Variants in ALDH1A2 observed in about 807,000 individuals in gnomAD.
ALDH1A2 encodes the protein aldehyde dehydrogenase 1 family member A2.
A neutral mutation model predicts 60.3 loss-of-function variants in ALDH1A2; 27 were observed. That is an observed-to-expected ratio of 0.45 (90% CI 0.33 to 0.62). The LOEUF (loss-of-function observed/expected upper bound fraction) is 0.62. Among genes scored for constraint, ALDH1A2 ranks in the 20% least tolerant of loss-of-function variants. The pLI, the probability that ALDH1A2 is intolerant of heterozygous loss-of-function variation, is 0.02. For synonymous variants in ALDH1A2, 289 were observed against 232.4 expected, an observed-to-expected ratio of 1.24 and a Z score of -2.21; for missense variants, 581 against 643.8, an observed-to-expected ratio of 0.90 and a Z score of 1.06.
At chr15:58,040,021 A>G (rs1308494810) in intron 1 of ALDH1A2, among the ~76,000 whole-genome samples, 1 of 151,926 alleles carries the variant, frequency 6.6e-6, no homozygotes, top group African/African-American at 2.4e-5. Flanking sequence ...CACGGTTCTA[A>G]TAATAAAATT....
chr15:58,017,599 G>A (rs1161553937), intron 1 of ALDH1A2, among the ~76,000 whole-genome samples: 1 of 152,000 alleles, frequency 6.6e-6, no homozygotes, highest in Non-Finnish European at 1.5e-5. Context: ...TTTAAAATCT[G>A]GAGCCAGTAT....
chr15:58,035,743 A>G (rs187821508), intron 1 of ALDH1A2, among the ~76,000 whole-genome samples: 144 of 151,832 alleles, frequency 9.5e-4, no homozygotes, highest in African/African-American at 2.9e-3. Context: ...GTTTTAGTTT[A>G]ATTCCACTGT....
At chr15:57,989,405 G>A (rs1267416017) in intron 7 of ALDH1A2, among the ~76,000 whole-genome samples, 23 of 152,094 alleles carry the variant, frequency 1.5e-4, no homozygotes, top group Admixed American at 4.6e-4. Context: ...GTTTTTTAGA[G>A]TAACATAAGG....
chr15:57,995,162 C>T lies in ALDH1A2; in HGVS notation c.494-23G>A, dbSNP rs201538569. ...CATCTGAAAGAAAAAAGCATGGTCA[C>T]TCCCAGAAAGTTTAGATTAGGAAAA... On this transcript the variant is annotated intron_variant, in intron 4 of 12. Transcript: ENST00000249750. 9 of 1,580,958 alleles carry T rather than the reference C, an allele frequency of 5.7e-6. No homozygotes were observed. In the African/African-American group the frequency reaches 9.6e-5, roughly 17 times the overall value.
At chr15:58,044,294 C>T (rs1174612613) in intron 1 of ALDH1A2, among the ~76,000 whole-genome samples, 7 of 151,944 alleles carry the variant, frequency 4.6e-5, no homozygotes, top group Non-Finnish European at 1.0e-4. Context: ...TGTCCTAATG[C>T]TCTCCCTCTC....
chr15:58,029,800 A>C lies in ALDH1A2; in HGVS notation c.118-15519T>G, dbSNP rs1054891269. On this transcript the variant is annotated intron_variant, in intron 1 of 12. Transcript: ENST00000249750. Reference sequence around the variant, plus strand: ...CTAGAAAATCTAGAAGAAATGGATAAATTCCTGGACACATACACCCTCCCA... The same window carrying C: ...CTAGAAAATCTAGAAGAAATGGATACATTCCTGGACACATACACCCTCCCA... 2.0e-5 allele frequency among the ~76,000 whole-genome samples: 3 copies of C among 152,306 alleles called. No homozygotes were observed. The South Asian group carries it at 6.2e-4, about 32-fold the overall frequency.
chr15:58,028,718 A>C (rs1896146265), intron 1 of ALDH1A2, among the ~76,000 whole-genome samples: 1 of 152,186 alleles, frequency 6.6e-6, no homozygotes, highest in Non-Finnish European at 1.5e-5. Flanking sequence ...TACCAAGCAA[A>C]TGGAAAGCAA....
chr15:58,004,360 C>T (rs1234237870), intron 4 of ALDH1A2, among the ~76,000 whole-genome samples: 1 of 151,780 alleles, frequency 6.6e-6, no homozygotes, highest in Non-Finnish European at 1.5e-5. Context: ...GGTTTATGTG[C>T]AGATTTGTTA....
intron 7 of ALDH1A2, among the ~76,000 whole-genome samples, chr15:57,975,386 T>A (rs1036779261): frequency 1.3e-5 from 2 of 152,262 alleles, no homozygotes; most frequent in Non-Finnish European, 2.9e-5. Flanking sequence ...TTAAACCTGA[T>A]ACAGGTTGAA....
chr15:57,986,964 G>C (rs571875117), intron 7 of ALDH1A2, among the ~76,000 whole-genome samples: 2 of 152,252 alleles, frequency 1.3e-5, no homozygotes, highest in East Asian at 3.9e-4. Flanking sequence ...CACAGACAAG[G>C]ATTGTAAAAT....
intron 7 of ALDH1A2, among the ~76,000 whole-genome samples, chr15:57,978,061 C>G (rs1365602719): frequency 1.3e-5 from 2 of 152,146 alleles, no homozygotes; most frequent in Non-Finnish European, 2.9e-5. Context: ...AGACTTTACT[C>G]AAGTTGCTTA....
chr15:57,994,496 G>A (rs1270681054), intron 5 of ALDH1A2, among the ~76,000 whole-genome samples: 1 of 152,176 alleles, frequency 6.6e-6, no homozygotes, highest in East Asian at 1.9e-4. Flanking sequence ...GGGTGTGTAT[G>A]AGAGACAGAC....
At chr15:57,965,882 C>G in intron 7 of ALDH1A2, 55 bp from the exon 8 acceptor site, 1 of 1,357,168 alleles carries the variant, frequency 7.4e-7, no homozygotes, top group Non-Finnish European at 1.1e-6. Flanking sequence ...GAGACAGTCA[C>G]CGGCCAATGC....
intron 4 of ALDH1A2, among the ~76,000 whole-genome samples, chr15:58,010,047 GT>G (rs1307949657): frequency 6.6e-6 from 1 of 152,036 alleles, no homozygotes; most frequent in Non-Finnish European, 1.5e-5. Flanking sequence ...GGGCCTTTAA[GT>G]TTTTTGTATT....
At chr15:57,992,663 TTGCAAGAC>T in intron 7 of ALDH1A2, 34 bp downstream of exon 7, 1 of 1,578,496 alleles carries the variant, frequency 6.3e-7, no homozygotes, top group South Asian at 1.1e-5. Flanking sequence ...CTCAACTCAT[TTGCAAGAC>T]TGTTCCTCAA....
At chr15:57,960,922 G>A (rs971614692) in intron 11 of ALDH1A2, 78 bp from the exon 12 acceptor site, 35 of 1,441,166 alleles carry the variant, frequency 2.4e-5, no homozygotes, top group Non-Finnish European at 3.3e-5. Context: ...ATTTCTTTTA[G>A]AAGTTTTATT....
At chr15:57,990,578 A>T (rs1330576340) in intron 7 of ALDH1A2, 2 of 152,184 alleles carry the variant, frequency 1.3e-5, no homozygotes, top group Non-Finnish European at 2.9e-5. Context: ...TTTTAATTTA[A>T]AAAGTTACAC....
chr15:57,977,875 A>T (rs1232842460), intron 7 of ALDH1A2, among the ~76,000 whole-genome samples: 1 of 152,096 alleles, frequency 6.6e-6, no homozygotes, highest in Non-Finnish European at 1.5e-5. Flanking sequence ...CATTTCCTTG[A>T]GGAGTGGTTT....
intron 11 of ALDH1A2, 58 bp from the exon 12 acceptor site, chr15:57,960,902 C>T (rs770711096): frequency 3.3e-5 from 50 of 1,505,064 alleles, no homozygotes; most frequent in Middle Eastern, 3.4e-4. Context: ...CATAATCTGA[C>T]TGGCATGGTA....
Sources: gnomAD v4.1 joint callset for allele counts (sites outside exome capture counted in the v4.1 genomes callset) on GRCh38, gnomAD v4.1.1 for gene constraint, MANE v1.5 for transcripts, NCBI Gene and HGNC (gene_info 2026-07-23, HGNC 2026-07-21) for gene names.